The following QKI variants were observed in gnomAD, a reference collection of about 807,000 sequenced individuals.
QKI encodes KH domain-containing RNA-binding protein QKI.
In QKI, 10 loss-of-function variants were observed where a neutral mutation model predicts 39.0. The observed-to-expected ratio is 0.26, with a 90% CI of 0.16 to 0.43. QKI has a LOEUF of 0.43. QKI is among the 20% of genes least tolerant of loss of function. The probability of loss-of-function intolerance (pLI) is 1.00; values close to 1 mark genes in which losing one functional copy is unlikely to be tolerated. For missense variants in QKI, 218 were observed against 428.0 expected, an observed-to-expected ratio of 0.51 and a Z score of 4.33; for synonymous variants, 204 against 155.4, an observed-to-expected ratio of 1.31 and a Z score of -2.33.
intron 2 of QKI, among the ~76,000 whole-genome samples, chr6:163,463,522 A>G (rs1048524112): frequency 6.6e-6 from 1 of 152,220 alleles, no homozygotes; most frequent in African/African-American, 2.4e-5. Flanking sequence ...GCAAAGGGGA[A>G]AAATTAATAA....
intron 3 of QKI, among the ~76,000 whole-genome samples, chr6:163,492,540 G>C (rs1291611591): frequency 6.6e-6 from 1 of 152,104 alleles, no homozygotes; most frequent in Non-Finnish European, 1.5e-5. Flanking sequence ...AATTATAGCA[G>C]ATAGTGAAGA....
intron 1 of QKI, among the ~76,000 whole-genome samples, chr6:163,422,177 G>A (rs1224825763): frequency 6.6e-6 from 1 of 152,054 alleles, no homozygotes; most frequent in Non-Finnish European, 1.5e-5. Context: ...CAATTAGCAA[G>A]AAAAGGACTG....
chr6:163,422,488 G>T (rs1442594192), intron 1 of QKI, among the ~76,000 whole-genome samples: 1 of 152,184 alleles, frequency 6.6e-6, no homozygotes, highest in East Asian at 1.9e-4. Flanking sequence ...AGCTACTTGG[G>T]ACGCTAAGGA....
At chr6:163,473,187 G>A (rs745870297) in intron 2 of QKI, among the ~76,000 whole-genome samples, 14 of 152,248 alleles carry the variant, frequency 9.2e-5, no homozygotes, top group Admixed American at 3.3e-4. Context: ...TGGGAGTTGC[G>A]TGGTTGCAGA....
At chr6:163,455,029 G>A (rs1790821712) in intron 1 of QKI, among the ~76,000 whole-genome samples, 1 of 152,072 alleles carries the variant, frequency 6.6e-6, no homozygotes, top group Admixed American at 6.5e-5. Flanking sequence ...AAGGAGCTCG[G>A]GCTTTGAAGT....
At chr6:163,538,512 C>T (rs944642872) in intron 4 of QKI, among the ~76,000 whole-genome samples, 9 of 151,842 alleles carry the variant, frequency 5.9e-5, no homozygotes, top group African/African-American at 1.7e-4. Flanking sequence ...GAGGTGAGGT[C>T]GGTGGGGATG....
In QKI at chr6:163,573,430, A is replaced by G. The variant is rs1348479361; in HGVS notation, c.*2720A>G. The G allele has an allele frequency of 1.3e-5, 2 of 152,112 alleles. No individual in the cohort carries two copies. Among genetic ancestry groups the G allele is most frequent in the Admixed American group, 6.6e-5 (1 of 15,258 alleles). The allele number at this position is 152,112 out of a possible 1,614,324, so 9.4% of individuals were successfully genotyped here. A position where few individuals can be genotyped will look rare whatever the true frequency, so the allele number is the denominator to read the frequency against. On this transcript the variant is annotated 3_prime_UTR_variant, in exon 8 of 8. Transcript: ENST00000361752. Reference sequence around the variant, plus strand: ...GCTATGTATGTACCATAACCAACCTATTGCCTATGAGAAACATGTAAGATA... The same window carrying G: ...GCTATGTATGTACCATAACCAACCTGTTGCCTATGAGAAACATGTAAGATA...
Position 163,469,559 on chromosome 6 carries a change from G to A in QKI, c.286-9221G>A, listed in dbSNP as rs188962499. ...ACAGACTTCTTGAGAGCAGAGTTTCGTTATTCTCAATCCTTCACATTTACT... is the reference window on the plus strand; with the variant it reads ...ACAGACTTCTTGAGAGCAGAGTTTCATTATTCTCAATCCTTCACATTTACT... On this transcript the variant is annotated intron_variant, in intron 2 of 7. Coordinates refer to ENST00000361752, the MANE Select transcript of QKI (RefSeq NM_006775.3). Among the ~76,000 whole-genome samples the A allele has an allele frequency of 5.0e-3, 761 of 152,214 alleles. 9 individuals are homozygous for A. The highest frequency in any genetic ancestry group is 0.017 in the African/African-American group (726 of 41,538).
At chr6:163,539,172 A>T (rs1781369824) in intron 4 of QKI, among the ~76,000 whole-genome samples, 1 of 152,128 alleles carries the variant, frequency 6.6e-6, no homozygotes, top group African/African-American at 2.4e-5. Context: ...AGCAAGGGAG[A>T]GCAAAGCGGG....
At chr6:163,499,746 A>G (rs1778629789) in intron 3 of QKI, among the ~76,000 whole-genome samples, 2 of 152,138 alleles carry the variant, frequency 1.3e-5, no homozygotes, top group African/African-American at 4.8e-5. Context: ...CTACTTTTCA[A>G]AGTTTGTTAA....
intron 3 of QKI, among the ~76,000 whole-genome samples, chr6:163,494,680 GTTA>G (rs71023230): frequency 0.78 from 116,770 of 150,062 alleles, 45,486 homozygotes; most frequent in East Asian, 0.98. Context: ...TGTTGTTGTT[GTTA>G]TTGTTGTTTT....
intron 3 of QKI, among the ~76,000 whole-genome samples, chr6:163,508,550 A>T (rs113762807): frequency 0.17 from 21,900 of 128,212 alleles, 1,746 homozygotes; most frequent in East Asian, 0.27. Context: ...TTTTTTTATG[A>T]TGGCGTTTCA....
At position 163,578,121 on chromosome 6, in the gene QKI, A is replaced by C. The variant is rs768527786; in HGVS notation, c.*7411A>C. On this transcript the variant is annotated 3_prime_UTR_variant, in exon 8 of 8. Coordinates refer to ENST00000361752, the MANE Select transcript of QKI (RefSeq NM_006775.3). Reference sequence around the variant, plus strand: ...CGCTTATTTTTACATGCTACACAACAGTTCCAATTTTAAGGAGTGTCTCCT... The same window carrying C: ...CGCTTATTTTTACATGCTACACAACCGTTCCAATTTTAAGGAGTGTCTCCT... 6.6e-6 allele frequency: 1 copy of C among 152,190 alleles called. No individual in the cohort carries two copies. Among genetic ancestry groups the C allele is most frequent in the African/African-American group, 2.4e-5 (1 of 41,456 alleles). 9.4% of individuals were successfully genotyped at this position (152,190 alleles called of 1,614,324 possible). A position where few individuals can be genotyped will look rare whatever the true frequency, so the allele number is the denominator to read the frequency against.
chr6:163,421,284 T>A lies in QKI; in HGVS notation c.142+5949T>A, dbSNP rs141844735. ...TTACTGTCATTGTTGGGAAGGAGAT[T>A]TAGGAAGATAAAATTGCTTTACTTA... is the stretch of plus-strand genomic sequence containing the variant. On this transcript the variant is annotated intron_variant, in intron 1 of 7. Transcript: ENST00000361752. 4.0e-5 allele frequency among the ~76,000 whole-genome samples: 6 copies of A among 151,342 alleles called. No individual in the cohort carries two copies. In the East Asian group the frequency reaches 9.6e-4, roughly 24 times the overall value.
At chr6:163,565,403 T>C (rs993654130) in intron 6 of QKI, 27 of 985,854 alleles carry the variant, frequency 2.7e-5, no homozygotes, top group Non-Finnish European at 3.3e-5. Context: ...CTCCCTGATT[T>C]TGCCACGTGG....
intron 2 of QKI, among the ~76,000 whole-genome samples, chr6:163,461,663 C>T (rs988332890): frequency 6.6e-6 from 1 of 152,240 alleles, no homozygotes; most frequent in Non-Finnish European, 1.5e-5. Context: ...ATATGGAAAT[C>T]GAGGAGAAAT....
chr6:163,447,995 AT>A (rs1402007701), intron 1 of QKI, among the ~76,000 whole-genome samples: 1 of 152,200 alleles, frequency 6.6e-6, no homozygotes, highest in African/African-American at 2.4e-5. Flanking sequence ...TACCAAAAAA[AT>A]GTATACTTAA....
At chr6:163,494,736 T>C (rs1251333320) in intron 3 of QKI, among the ~76,000 whole-genome samples, 1 of 151,852 alleles carries the variant, frequency 6.6e-6, no homozygotes, top group African/African-American at 2.4e-5. Context: ...GTTTAAAATG[T>C]CCCTCAAGCA....
intron 3 of QKI, among the ~76,000 whole-genome samples, chr6:163,494,957 C>G (rs182743815): frequency 3.9e-3 from 584 of 151,676 alleles, no homozygotes; most frequent in Non-Finnish European, 6.8e-3. Flanking sequence ...ACTCTGTCGT[C>G]CAGGCTGGAG....
Sources: gnomAD v4.1 joint callset for allele counts (sites outside exome capture counted in the v4.1 genomes callset) on GRCh38, gnomAD v4.1.1 for gene constraint, MANE v1.5 for transcripts, NCBI Gene and HGNC (gene_info 2026-07-23, HGNC 2026-07-21) for gene names.